The following HSP90AA1 variants were observed in gnomAD, a reference collection of about 807,000 sequenced individuals.
HSP90AA1 encodes heat shock protein HSP 90-alpha.
A neutral mutation model predicts 73.3 loss-of-function variants in HSP90AA1; 18 were observed. The observed-to-expected ratio is 0.25, with a 90% CI of 0.17 to 0.36. The LOEUF (loss-of-function observed/expected upper bound fraction) is 0.36, where lower values mean the gene tolerates loss of function less well. HSP90AA1 is among the 10% of genes least tolerant of loss of function. The probability of loss-of-function intolerance (pLI) is 1.00; values close to 1 mark genes in which losing one functional copy is unlikely to be tolerated. For synonymous variants in HSP90AA1, 477 were observed against 296.9 expected, an observed-to-expected ratio of 1.61 and a Z score of -6.24; for missense variants, 704 against 874.2, an observed-to-expected ratio of 0.81 and a Z score of 2.45.
At chr14:102,128,337 C>A (rs2049862565) in intron 1 of HSP90AA1, among the ~76,000 whole-genome samples, 1 of 151,188 alleles carries the variant, frequency 6.6e-6, no homozygotes, top group Non-Finnish European at 1.5e-5. Flanking sequence ...ACCCAAAATA[C>A]AAAAATTAGG....
At chr14:102,093,935 C>T (rs763305469) in intron 2 of HSP90AA1, among the ~76,000 whole-genome samples, 11 of 152,060 alleles carry the variant, frequency 7.2e-5, no homozygotes, top group East Asian at 5.8e-4. Context: ...GATTGTGCCA[C>T]GGCACTCCAG....
chr14:102,105,231 CA>C (rs2049551348), intron 1 of HSP90AA1, among the ~76,000 whole-genome samples: 2 of 78,416 alleles, frequency 2.6e-5, no homozygotes, highest in African/African-American at 8.1e-5. Context: ...AAAAAAAAAC[CA>C]AACTTCATTC....
intron 1 of HSP90AA1, among the ~76,000 whole-genome samples, chr14:102,132,980 G>A (rs1566738033): frequency 6.9e-6 from 1 of 145,478 alleles, no homozygotes; most frequent in Non-Finnish European, 1.5e-5. Context: ...ATAAAAAAGG[G>A]AGCCGGCGGT....
chr14:102,081,447 C>T lies in HSP90AA1; in HGVS notation c.*265G>A, dbSNP rs2049096231. 9 of 539,718 alleles carry T rather than the reference C, an allele frequency of 1.7e-5. No homozygotes were observed. The South Asian group carries it at 1.7e-4, about 10-fold the overall frequency. The allele number at this position is 539,718 out of a possible 1,614,324, so 33.4% of individuals were successfully genotyped here. A position where few individuals can be genotyped will look rare whatever the true frequency, so the allele number is the denominator to read the frequency against. On this transcript the variant is annotated 3_prime_UTR_variant, in exon 11 of 11. Coordinates refer to ENST00000216281, the MANE Select transcript of HSP90AA1 (RefSeq NM_005348.4). Reference sequence around the variant, plus strand: ...ACACTTTAGACCACAAAGTTAACATCATGTTACATACGTCTTACAGTGCAC... The same window carrying T: ...ACACTTTAGACCACAAAGTTAACATTATGTTACATACGTCTTACAGTGCAC...
intron 1 of HSP90AA1, among the ~76,000 whole-genome samples, chr14:102,122,281 CTTTTTTT>C (rs35837326): frequency 8.4e-6 from 1 of 118,740 alleles, no homozygotes; most frequent in African/African-American, 3.1e-5. Flanking sequence ...TGTTTAAAGA[CTTTTTTT>C]TTTTTTTTTT....
chr14:102,128,473 CA>C (rs547302953), intron 1 of HSP90AA1, among the ~76,000 whole-genome samples: 312 of 151,910 alleles, frequency 2.1e-3, no homozygotes, highest in Admixed American at 3.7e-3. Context: ...ACTGAAAACA[CA>C]AAAAATTAGC....
chr14:102,128,491 T>TG (rs2049864679), intron 1 of HSP90AA1, among the ~76,000 whole-genome samples: 1 of 151,952 alleles, frequency 6.6e-6, no homozygotes, highest in South Asian at 2.1e-4. Context: ...TAGCTGGGCA[T>TG]GGTGGCGGGC....
chr14:102,084,829 T>G lies in HSP90AA1; in HGVS notation c.833A>C (p.Lys278Thr). The part of the protein sequence containing the change: ...EKKDGDKKKK[K>T]KIKEKYIDQE... ...ATCGATGTACTTTTCCTTAATCTTC[T>G]TCTTCTTCTTCTTGTCACCATCCTT... Residue 278 changes from lysine (K) to threonine (T), a missense_variant, in exon 5 of 11, where the codon AAG becomes ACG. Physicochemically the swap from Lys to Thr is moderately conservative, Grantham distance 78 (BLOSUM62 -1). Coordinates refer to ENST00000216281, the MANE Select transcript of HSP90AA1 (RefSeq NM_005348.4). 6.2e-7 allele frequency: 1 copy of G among 1,600,978 alleles called. No homozygotes were observed. Among genetic ancestry groups the G allele is most frequent in the Non-Finnish European group, 8.6e-7 (1 of 1,168,200 alleles).
intron 1 of HSP90AA1, chr14:102,139,130 A>G: frequency 8.0e-7 from 1 of 1,252,320 alleles, no homozygotes; most frequent in Non-Finnish European, 1.2e-6. Flanking sequence ...GCCAGTGCTC[A>G]TCACACGCAG....
At chr14:102,093,662 T>C (rs2049388364) in intron 2 of HSP90AA1, among the ~76,000 whole-genome samples, 1 of 151,954 alleles carries the variant, frequency 6.6e-6, no homozygotes, top group African/African-American at 2.4e-5. Flanking sequence ...CTCTCTACAA[T>C]AGGTGTGACC....
upstream of HSP90AA1, among the ~76,000 whole-genome samples, chr14:102,087,972 G>T (rs1416929675): frequency 8.0e-6 from 1 of 124,514 alleles, no homozygotes; most frequent in Non-Finnish European, 1.6e-5. Context: ...TTTTGGACAG[G>T]CTCTCGCTTT....
In HSP90AA1 at chr14:102,093,217, TA is replaced by T. The variant is rs1045567069; in HGVS notation, c.367-6840del. ...ATTAAAAAATATATATATATATATT[TA>T]AAAAAAAAAAGGCCGGGTGCAGTGG... is the stretch of plus-strand genomic sequence containing the variant. On this transcript the variant is annotated intron_variant, in intron 2 of 11. Coordinates refer to the HSP90AA1 transcript ENST00000334701. Among the ~76,000 whole-genome samples, 97 of 142,252 alleles carry T rather than the reference TA, an allele frequency of 6.8e-4. No homozygotes were observed. The South Asian group carries it at 7.1e-3, about 10-fold the overall frequency. The allele number at this position is 142,252 out of a possible 152,430, so 93.3% of individuals were successfully genotyped here.
intron 1 of HSP90AA1, among the ~76,000 whole-genome samples, chr14:102,129,930 C>T (rs2049887336): frequency 1.3e-5 from 2 of 152,096 alleles, no homozygotes; most frequent in East Asian, 1.9e-4. Flanking sequence ...AATAATGCCG[C>T]TGTGAACATT....
chr14:102,085,048 C>G lies in HSP90AA1; in HGVS notation c.664-50G>C, dbSNP rs769099127. On this transcript the variant is annotated intron_variant, in intron 4 of 10. Transcript: ENST00000216281. Reference sequence around the variant, plus strand: ...ATCACTGCTGCACTCCAGAACTAAGCGACAGCGCTGCACCACTATTTTCAA... The same window carrying G: ...ATCACTGCTGCACTCCAGAACTAAGGGACAGCGCTGCACCACTATTTTCAA... The G allele has an allele frequency of 5.0e-6, 8 of 1,613,552 alleles. No individual in the cohort carries two copies. The East Asian group carries it at 1.6e-4, about 31-fold the overall frequency.
chr14:102,089,627 T>C (rs1415403086), upstream of HSP90AA1, among the ~76,000 whole-genome samples: 1 of 152,142 alleles, frequency 6.6e-6, no homozygotes, highest in East Asian at 1.9e-4. Context: ...AGAACTTGTG[T>C]GCAGATGACT....
chr14:102,114,950 C>G (rs111942918), intron 1 of HSP90AA1, among the ~76,000 whole-genome samples: 2 of 152,102 alleles, frequency 1.3e-5, no homozygotes, highest in African/African-American at 4.8e-5. Flanking sequence ...CTGGCTAACA[C>G]GGTGAAACCC....
chr14:102,086,528 T>C lies in HSP90AA1; in HGVS notation c.1-150A>G, dbSNP rs965383341. The stretch of plus-strand genomic sequence containing the variant: ...AAATAGAAGGGCGGCTGACAAAGGA[T>C]GACCTCATTTCGGAGCGCGGCAACT... On this transcript the variant is annotated intron_variant, in intron 1 of 10. Transcript: ENST00000216281. 9.7e-6 allele frequency: 9 copies of C among 924,202 alleles called. No homozygotes were observed. The East Asian group carries it at 1.7e-4, about 18-fold the overall frequency. 57.3% of individuals were successfully genotyped at this position (924,202 alleles called of 1,614,324 possible).
chr14:102,108,531 C>CTTTTTTT (rs35612478), intron 1 of HSP90AA1, among the ~76,000 whole-genome samples: 3 of 130,766 alleles, frequency 2.3e-5, no homozygotes, highest in East Asian at 2.2e-4. Flanking sequence ...TAACTTATAA[C>CTTTTTTT]TTTTTTTTTT....
chr14:102,088,395 A>G (rs1465013542), upstream of HSP90AA1, among the ~76,000 whole-genome samples: 1 of 152,220 alleles, frequency 6.6e-6, no homozygotes, highest in Non-Finnish European at 1.5e-5. Flanking sequence ...GTGTAAAGAA[A>G]CGATGGAACT....
Sources: gnomAD v4.1 joint callset for allele counts (sites outside exome capture counted in the v4.1 genomes callset) on GRCh38, gnomAD v4.1.1 for gene constraint, MANE v1.5 for transcripts, NCBI Gene and HGNC (gene_info 2026-07-23, HGNC 2026-07-21) for gene names.